MET: variants seen among roughly 807,000 people sequenced by gnomAD.
The protein encoded by MET is hepatocyte growth factor receptor.
Under a neutral mutation model 133.1 loss-of-function variants are expected in MET, and 48 were observed. That is an observed-to-expected ratio of 0.36 (90% CI 0.29 to 0.46). The LOEUF is 0.46. Ranked by LOEUF, MET falls within the 20% of genes least tolerant of loss-of-function variation. MET has a pLI of 1.00. For synonymous variants in MET, 628 were observed against 616.5 expected (o/e 1.02, Z -0.28); for missense variants, 1,442 against 1,695.9 (o/e 0.85, Z 2.63).
intron 5 of MET, among the ~76,000 whole-genome samples, chr7:116,750,085 A>G (rs971163612): frequency 5.3e-5 from 8 of 152,218 alleles, no homozygotes; most frequent in Non-Finnish European, 8.8e-5. Context: ...AAGCTACTTT[A>G]AATTTCATAT....
intron 1 of MET, among the ~76,000 whole-genome samples, chr7:116,689,046 A>G (rs1183188357): frequency 1.3e-5 from 2 of 152,218 alleles, no homozygotes; most frequent in Non-Finnish European, 2.9e-5. Context: ...ATTTTTTAAT[A>G]AGCTCATTTA....
Position 116,774,877 on chromosome 7 carries a change from A to AT in MET, c.3029-4_3029-3insT. 6.2e-7 allele frequency: 1 copy of AT among 1,612,380 alleles called. No homozygotes were observed. The highest frequency in any genetic ancestry group is 8.5e-7 in the Non-Finnish European group (1 of 1,178,570). On this transcript the variant is annotated splice_polypyrimidine_tract_variant and splice_region_variant and intron_variant, in intron 14 of 20. Coordinates refer to ENST00000397752, the MANE Select transcript of MET (RefSeq NM_000245.4). ...TTCTTTAATAATTTTCCTTCATCTT[A>AT]CAGATCAGTTTCCTAATTCATCTCA...
At chr7:116,735,623 C>T (rs1793181340) in intron 3 of MET, among the ~76,000 whole-genome samples, 1 of 152,166 alleles carries the variant, frequency 6.6e-6, no homozygotes, top group African/African-American at 2.4e-5. Context: ...CTGGCAGAGA[C>T]ACAGCTGAAG....
chr7:116,769,536 G>T, intron 11 of MET, 109 bp from the exon 12 acceptor site: 3 of 1,395,638 alleles, frequency 2.1e-6, no homozygotes, highest in Non-Finnish European at 3.0e-6. Flanking sequence ...GTGTGCCTTG[G>T]CAAACAACAT....
At chr7:116,786,843 A>C (rs1795330403) in intron 19 of MET, among the ~76,000 whole-genome samples, 1 of 152,198 alleles carries the variant, frequency 6.6e-6, no homozygotes, top group Admixed American at 6.5e-5. Flanking sequence ...TTGAGAGATG[A>C]TGGGTCAGAG....
intron 3 of MET, among the ~76,000 whole-genome samples, chr7:116,737,857 A>G (rs1793281651): frequency 6.6e-6 from 1 of 152,242 alleles, no homozygotes; most frequent in Non-Finnish European, 1.5e-5. Context: ...CATAAAGTCA[A>G]AGATGATGAC....
chr7:116,753,295 CTCTA>C (rs991153114), intron 5 of MET, among the ~76,000 whole-genome samples: 1 of 152,166 alleles, frequency 6.6e-6, no homozygotes, highest in Admixed American at 6.5e-5. Flanking sequence ...CTTGAGTTGC[CTCTA>C]TCTTAGTTTT....
rs1294769391 is a variant in MET at position 116,699,658 on chromosome 7, T to C, written c.574T>C (p.Phe192Leu). 1 of 1,614,054 alleles carries C rather than the reference T, an allele frequency of 6.2e-7. No individual in the cohort carries two copies. The highest frequency in any genetic ancestry group is 1.1e-5 in the South Asian group (1 of 91,086). ...AGTCCTTTCATCTGTAAAGGACCGG[T>C]TCATCAACTTCTTTGTAGGCAATAC... is the stretch of plus-strand genomic sequence containing the variant. ...AKVLSSVKDR[F>L]INFFVGNTIN... Residue 192 changes from phenylalanine to leucine, a missense_variant, in exon 2 of 21, where the codon TTC becomes CTC. By Grantham distance (22) the Phe-to-Leu change is conservative. Transcript: ENST00000397752.
rs2117108658 is a variant in MET at position 116,795,751 on chromosome 7, G to C, written c.3895G>C (p.Gly1299Arg). The C allele has an allele frequency of 6.2e-7, 1 of 1,614,164 alleles. No individual in the cohort carries two copies. The highest frequency in any genetic ancestry group is 8.5e-7 in the Non-Finnish European group (1 of 1,180,014). Residue 1299 changes from glycine to arginine, a missense_variant, in exon 20 of 21, where the codon GGG becomes CGG. Transcript: ENST00000397752. ...TFDITVYLLQ[G>R]RRLLQPEYCP... ...TGATATAACTGTTTACTTGTTGCAA[G>C]GGAGAAGACTCCTACAACCCGAATA...
chr7:116,786,171 A>T (rs762895764), intron 19 of MET, among the ~76,000 whole-genome samples: 1 of 152,238 alleles, frequency 6.6e-6, no homozygotes, highest in African/African-American at 2.4e-5. Context: ...CTGTGTCCTC[A>T]CATGGCTAAA....
chr7:116,794,116 T>C (rs1359882487), intron 19 of MET, among the ~76,000 whole-genome samples: 1 of 152,220 alleles, frequency 6.6e-6, no homozygotes, highest in Non-Finnish European at 1.5e-5. Context: ...ACCTCTTTGA[T>C]ATTACTGCTC....
chr7:116,790,211 A>G (rs34280975), intron 19 of MET, among the ~76,000 whole-genome samples: 26,225 of 152,110 alleles, frequency 0.17, 2,383 homozygotes, highest in East Asian at 0.28. Context: ...TTGTTGTGCA[A>G]TAGATTCCTA....
chr7:116,731,262 T>A (rs1792992309), intron 2 of MET, among the ~76,000 whole-genome samples: 1 of 152,182 alleles, frequency 6.6e-6, no homozygotes, highest in Non-Finnish European at 1.5e-5. Context: ...GGCACACATT[T>A]AAAAATATAA....
chr7:116,689,454 ACATG>A (rs1276930490), intron 1 of MET, among the ~76,000 whole-genome samples: 2 of 152,034 alleles, frequency 1.3e-5, no homozygotes, highest in South Asian at 4.1e-4. Context: ...CATTCCTGGG[ACATG>A]CTTATACTAA....
At chr7:116,792,811 A>G (rs1795550920) in intron 19 of MET, among the ~76,000 whole-genome samples, 1 of 152,220 alleles carries the variant, frequency 6.6e-6, no homozygotes, top group South Asian at 2.1e-4. Context: ...GGGAGACCTG[A>G]TCACAGAACT....
intron 1 of MET, among the ~76,000 whole-genome samples, chr7:116,691,867 C>T (rs1173898040): frequency 6.6e-6 from 1 of 152,130 alleles, no homozygotes. Flanking sequence ...GAACAGAGTT[C>T]GTTGAAAGGC....
rs1389172325 is a variant in MET at position 116,740,768 on chromosome 7, A to G, written c.1528-84A>G. On this transcript the variant is annotated intron_variant, in intron 4 of 20. Transcript: ENST00000397752. Reference sequence around the variant, plus strand: ...GAAAATTCCATCAAATGATATTTACATGTACCTTTTGTGTACTTACTTTAT... The same window carrying G: ...GAAAATTCCATCAAATGATATTTACGTGTACCTTTTGTGTACTTACTTTAT... The G allele has an allele frequency of 2.0e-6, 3 of 1,514,516 alleles. No individual in the cohort carries two copies. The African/African-American group carries it at 4.1e-5, about 21-fold the overall frequency. 93.8% of individuals were successfully genotyped at this position (1,514,516 alleles called of 1,614,324 possible).
rs2116591257 is a variant in MET at position 116,699,616 on chromosome 7, A to G, written c.532A>G (p.Ser178Gly). The G allele has an allele frequency of 6.2e-7, 1 of 1,613,992 alleles. No individual in the cohort carries two copies. The highest frequency in any genetic ancestry group is 8.5e-7 in the Non-Finnish European group (1 of 1,179,964). ...CAGCCAGTGTCCTGACTGTGTGGTG[A>G]GCGCCCTGGGAGCCAAAGTCCTTTC... ...EPSQCPDCVV[S>G]ALGAKVLSSV... Residue 178 changes from serine (S) to glycine (G), a missense_variant, in exon 2 of 21, where the codon AGC becomes GGC. Around this residue, in one of 6 missense-constraint regions of MET, gnomAD observed 762 missense variants for 792.4 expected, o/e 0.96. Transcript: ENST00000397752.
At position 116,699,608 on chromosome 7, in the gene MET, G is replaced by A. The variant is rs1584877055; in HGVS notation, c.524G>A (p.Cys175Tyr). Residue 175 changes from cysteine (C) to tyrosine (Y), a missense_variant, in exon 2 of 21, where the codon TGT becomes TAT. Cys to Tyr is a radical substitution (Grantham distance 194). This residue lies in a region of MET where 762 missense variants were observed against 792.4 expected (regional missense o/e 0.96). Transcript: ENST00000397752. Reference protein sequence around the residue: ...QIEEPSQCPDCVVSALGAKVL... With the variant: ...QIEEPSQCPDYVVSALGAKVL... ...GAAGAGCCCAGCCAGTGTCCTGACT[G>A]TGTGGTGAGCGCCCTGGGAGCCAAA... 1 of 1,614,018 alleles carries A rather than the reference G, an allele frequency of 6.2e-7. No individual in the cohort carries two copies.
Sources: allele counts gnomAD v4.1 joint callset (sites outside exome capture counted in the v4.1 genomes callset), GRCh38; gene constraint gnomAD v4.1.1; regional missense constraint gnomAD v4.1.1; transcripts MANE v1.5; gene names NCBI Gene and HGNC (gene_info 2026-07-23, HGNC 2026-07-21).